CCDC171: variants seen among roughly 807,000 people sequenced by gnomAD.
CCDC171 encodes the protein coiled-coil domain containing 171.
CCDC171 carries 177 observed loss-of-function variants against 168.2 expected under a neutral mutation model. That is an observed-to-expected ratio of 1.05 (90% confidence interval 0.93 to 1.19). The LOEUF (loss-of-function observed/expected upper bound fraction) is 1.19, where lower values mean the gene tolerates loss of function less well. Among genes scored for constraint, CCDC171 ranks in the 50% most tolerant of loss-of-function variants. The pLI is 0.00. For missense variants in CCDC171, 1,991 were observed against 1,539.0 expected (o/e 1.29, Z -4.91); for synonymous variants, 687 against 540.8 (o/e 1.27, Z -3.75).
chr9:15,885,517 C>G (rs941271528), intron 24 of CCDC171: 2 of 152,104 alleles, frequency 1.3e-5, no homozygotes, highest in Non-Finnish European at 2.9e-5. Flanking sequence ...ATTTTAGCTA[C>G]TTGGACAAAA....
At chr9:15,616,746 G>T (rs1034689197) in intron 6 of CCDC171, among the ~76,000 whole-genome samples, 2 of 152,140 alleles carry the variant, frequency 1.3e-5, no homozygotes, top group Non-Finnish European at 2.9e-5. Context: ...TTTATACTTA[G>T]GTAGTATAGT....
intron 7 of CCDC171, among the ~76,000 whole-genome samples, chr9:15,626,416 T>C (rs910187656): frequency 1.3e-4 from 20 of 152,120 alleles, no homozygotes; most frequent in Admixed American, 1.3e-4. Context: ...ATGCTTCCAG[T>C]TTTTGCCCAT....
intron 3 of CCDC171, among the ~76,000 whole-genome samples, chr9:16,008,152 A>G (rs924154024): frequency 6.6e-6 from 1 of 152,140 alleles, no homozygotes; most frequent in Admixed American, 6.5e-5. Flanking sequence ...CTCCATTGCT[A>G]AATCAGAGGA....
downstream of CCDC171, among the ~76,000 whole-genome samples, chr9:15,975,470 A>C (rs1214214433): frequency 6.6e-6 from 1 of 152,300 alleles, no homozygotes; most frequent in South Asian, 2.1e-4. Context: ...TGATTAGACA[A>C]AACAAAATAC....
At chr9:15,553,868 A>G (rs2038550298) in intron 1 of CCDC171, among the ~76,000 whole-genome samples, 1 of 151,256 alleles carries the variant, frequency 6.6e-6, no homozygotes, top group African/African-American at 2.4e-5. Flanking sequence ...ATTGATCCTA[A>G]GAAAATACAT....
At chr9:15,917,706 G>C (rs1160075782) in intron 24 of CCDC171, among the ~76,000 whole-genome samples, 1 of 151,462 alleles carries the variant, frequency 6.6e-6, no homozygotes, top group Non-Finnish European at 1.5e-5. Flanking sequence ...GTTTCTCCAA[G>C]GTTAGAAAAT....
intron 21 of CCDC171, among the ~76,000 whole-genome samples, chr9:15,813,890 T>A (rs1332412137): frequency 1.3e-5 from 2 of 152,194 alleles, no homozygotes; most frequent in Admixed American, 6.5e-5. Context: ...TTTTTTAATT[T>A]AATTTAGTTG....
intron 23 of CCDC171, among the ~76,000 whole-genome samples, chr9:15,870,995 GA>G (rs916030670): frequency 3.4e-4 from 51 of 150,988 alleles, no homozygotes; most frequent in Non-Finnish European, 6.8e-4. Context: ...TGACTTTTTA[GA>G]AAGTTTTATT....
At chr9:16,103,065 G>A in the CCDC171 span, among the ~76,000 whole-genome samples, 1 of 152,228 alleles carries the variant, frequency 6.6e-6, no homozygotes, top group Non-Finnish European at 1.5e-5. Context: ...CACCTCCTGA[G>A]GGGACCTGCA....
intron 21 of CCDC171, among the ~76,000 whole-genome samples, chr9:15,823,849 G>T (rs1588698852): frequency 6.6e-6 from 1 of 152,002 alleles, no homozygotes; most frequent in African/African-American, 2.4e-5. Context: ...TTGTATATTA[G>T]AAGAAGATTT....
At chr9:15,610,621 T>G (rs2043611399) in intron 6 of CCDC171, among the ~76,000 whole-genome samples, 1 of 150,570 alleles carries the variant, frequency 6.6e-6, no homozygotes, top group Middle Eastern at 3.4e-3. Context: ...AGAGTGAAAC[T>G]CTGTCTAAAA....
At chr9:16,092,441 CTGCATCGGGAACTGTTT>C in the CCDC171 span, among the ~76,000 whole-genome samples, 3 of 152,198 alleles carry the variant, frequency 2.0e-5, no homozygotes, top group African/African-American at 7.2e-5. Context: ...CCTGGGACAG[CTGCATCGGGAACTGTTT>C]TCTGCAGTGA....
downstream of CCDC171, among the ~76,000 whole-genome samples, chr9:16,062,750 C>A (rs1388651268): frequency 2.0e-5 from 3 of 152,162 alleles, no homozygotes; most frequent in East Asian, 5.8e-4. Context: ...GACATGCACA[C>A]AAATGACTGA....
At chr9:15,600,111 G>C (rs2042718269) in intron 6 of CCDC171, among the ~76,000 whole-genome samples, 1 of 152,162 alleles carries the variant, frequency 6.6e-6, no homozygotes, top group Non-Finnish European at 1.5e-5. Flanking sequence ...GGAGTAGTTT[G>C]ATTGTCTGAA....
the CCDC171 span, among the ~76,000 whole-genome samples, chr9:16,106,813 G>A: frequency 1.3e-5 from 2 of 152,178 alleles, no homozygotes; most frequent in East Asian, 3.9e-4. Context: ...TTTGGGATTA[G>A]GCCATGTCCT....
chr9:15,703,484 T>G (rs901113418), intron 11 of CCDC171, among the ~76,000 whole-genome samples: 2 of 152,180 alleles, frequency 1.3e-5, no homozygotes, highest in Non-Finnish European at 2.9e-5. Context: ...TTTTTTTAGC[T>G]CTCATGTATG....
At position 15,888,655 on chromosome 9, in the gene CCDC171, A is replaced by ATGCTC. The variant is rs1427681771; in HGVS notation, c.3600+13994_3600+13998dup. ...TTTCGCTTATTATATGGATTTGTGT[A>ATGCTC]TGCTCTAGTAAAATATGACCCTATA... On this transcript the variant is annotated intron_variant, in intron 24 of 25. Coordinates refer to ENST00000380701, the MANE Select transcript of CCDC171 (RefSeq NM_173550.4). Among the ~76,000 whole-genome samples the ATGCTC allele has an allele frequency of 9.9e-5, 15 of 152,278 alleles. No homozygotes were observed. In the South Asian group the frequency reaches 1.9e-3, roughly 19 times the overall value.
At chr9:15,730,977 C>CA (rs1326324505) in intron 16 of CCDC171, among the ~76,000 whole-genome samples, 1 of 151,916 alleles carries the variant, frequency 6.6e-6, no homozygotes, top group Admixed American at 6.6e-5. Flanking sequence ...TTATGGGGTA[C>CA]ATGTGATATT....
intron 21 of CCDC171, among the ~76,000 whole-genome samples, chr9:15,840,518 C>T (rs1484443217): frequency 1.3e-5 from 2 of 151,992 alleles, no homozygotes; most frequent in Non-Finnish European, 2.9e-5. Flanking sequence ...TAGGTATTTG[C>T]CAAGAGAATG....
Sources: allele counts gnomAD v4.1 joint callset (sites outside exome capture counted in the v4.1 genomes callset), GRCh38; gene constraint gnomAD v4.1.1; transcripts MANE v1.5; gene names NCBI Gene and HGNC (gene_info 2026-07-23, HGNC 2026-07-21).